MACROD2: variants seen among roughly 807,000 people sequenced by gnomAD.
MACROD2 encodes the protein mono-ADP ribosylhydrolase 2.
Under a neutral mutation model 70.4 loss-of-function variants are expected in MACROD2, and 36 were observed. The observed-to-expected ratio is 0.51, with a 90% CI of 0.39 to 0.68. The LOEUF (loss-of-function observed/expected upper bound fraction) is 0.68. Ranked by LOEUF, MACROD2 falls within the 30% of genes least tolerant of loss-of-function variation. The pLI is 0.00. For synonymous variants in MACROD2, 172 were observed against 178.8 expected (o/e 0.96, Z 0.30); for missense variants, 496 against 538.4 (o/e 0.92, Z 0.78).
chr20:14,320,624 A>T (rs1457696050), intron 3 of MACROD2, among the ~76,000 whole-genome samples: 1 of 150,636 alleles, frequency 6.6e-6, no homozygotes, highest in African/African-American at 2.4e-5. Context: ...AACACCTCCT[A>T]AATCAGTGGT....
intron 8 of MACROD2, among the ~76,000 whole-genome samples, chr20:15,588,217 T>A (rs954848352): frequency 6.6e-6 from 1 of 152,162 alleles, no homozygotes; most frequent in Middle Eastern, 3.2e-3. Context: ...CAGCCAGAGC[T>A]GTATATTGGC....
Position 15,409,385 on chromosome 20 carries a change from A to G in MACROD2, c.541-22020A>G, listed in dbSNP as rs369192539. Among the ~76,000 whole-genome samples, 90 of 152,360 alleles carry G rather than the reference A, an allele frequency of 5.9e-4. 3 individuals carry two copies. The South Asian group carries it at 0.018, about 31-fold the overall frequency. On this transcript the variant is annotated intron_variant, in intron 6 of 17. Coordinates refer to ENST00000684519, the MANE Select transcript of MACROD2 (RefSeq NM_001351661.2). ...ATTATGTGAAGTTCTAAGCATCACA[A>G]TGCTGCAGTGTATAATTCTTCAAAG...
chr20:15,181,769 T>C (rs942125881), intron 5 of MACROD2, among the ~76,000 whole-genome samples: 4 of 152,222 alleles, frequency 2.6e-5, no homozygotes, highest in African/African-American at 9.6e-5. Flanking sequence ...CCTTATATTT[T>C]TACACATCTC....
intron 5 of MACROD2, among the ~76,000 whole-genome samples, chr20:14,796,664 G>T (rs1367886347): frequency 6.6e-6 from 1 of 152,016 alleles, no homozygotes; most frequent in African/African-American, 2.4e-5. Context: ...TACTTGGAAT[G>T]CTGAATTTTA....
chr20:14,429,817 C>T (rs1023294106), intron 3 of MACROD2, among the ~76,000 whole-genome samples: 1 of 152,132 alleles, frequency 6.6e-6, no homozygotes, highest in African/African-American at 2.4e-5. Context: ...ATCAATGGCC[C>T]TGCCTCCCCA....
chr20:15,937,628 C>T (rs1034318783), intron 12 of MACROD2, 84 bp downstream of exon 12: 2 of 1,261,762 alleles, frequency 1.6e-6, no homozygotes, highest in Non-Finnish European at 2.3e-6. Context: ...AATGAAGCAG[C>T]AAGTCAAATA....
intron 7 of MACROD2, among the ~76,000 whole-genome samples, chr20:15,436,300 G>A (rs2046427200): frequency 1.3e-5 from 2 of 152,100 alleles, no homozygotes; most frequent in Non-Finnish European, 2.9e-5. Flanking sequence ...ATGGTGGAAG[G>A]CAAGGAAGAG....
At chr20:15,543,101 G>C (rs1318847197) in intron 8 of MACROD2, among the ~76,000 whole-genome samples, 2 of 152,086 alleles carry the variant, frequency 1.3e-5, no homozygotes, top group Non-Finnish European at 2.9e-5. Context: ...CTCTTTTCTG[G>C]AGCTTCCCGG....
At chr20:14,731,006 CACAT>C (rs1392449383) in intron 5 of MACROD2, among the ~76,000 whole-genome samples, 55 of 111,282 alleles carry the variant, frequency 4.9e-4, no homozygotes, top group African/African-American at 1.5e-3. Flanking sequence ...CACACACACA[CACAT>C]GCACACACAC....
At chr20:14,537,294 A>C (rs1300970790) in intron 4 of MACROD2, among the ~76,000 whole-genome samples, 1 of 152,198 alleles carries the variant, frequency 6.6e-6, no homozygotes, top group Non-Finnish European at 1.5e-5. Flanking sequence ...AATGAGGGAG[A>C]GTGAGGCAGC....
At chr20:14,448,585 G>A (rs562236219) in intron 3 of MACROD2, among the ~76,000 whole-genome samples, 1 of 151,818 alleles carries the variant, frequency 6.6e-6, no homozygotes, top group African/African-American at 2.4e-5. Context: ...GCTGATGCAG[G>A]AGAATGTCTT....
intron 3 of MACROD2, among the ~76,000 whole-genome samples, chr20:14,214,964 T>TTA (rs775088155): frequency 5.0e-4 from 75 of 149,068 alleles, no homozygotes; most frequent in East Asian, 2.7e-3. Flanking sequence ...TAGTGTTCCA[T>TTA]TATATATATA....
chr20:15,273,281 G>A (rs1408600692), intron 6 of MACROD2, among the ~76,000 whole-genome samples: 1 of 152,050 alleles, frequency 6.6e-6, no homozygotes, highest in Non-Finnish European at 1.5e-5. Context: ...TTCCTGTGCT[G>A]GATACTTCCT....
At chr20:15,595,396 G>A (rs1209344182) in intron 8 of MACROD2, among the ~76,000 whole-genome samples, 1 of 152,138 alleles carries the variant, frequency 6.6e-6, no homozygotes. Context: ...AATGTATGAT[G>A]AGCCTTAAGA....
At chr20:15,031,630 T>A (rs1228567761) in intron 5 of MACROD2, among the ~76,000 whole-genome samples, 3 of 152,160 alleles carry the variant, frequency 2.0e-5, no homozygotes, top group African/African-American at 7.2e-5. Flanking sequence ...GGAGGAGACC[T>A]GAAATGGATA....
chr20:16,015,919 T>A (rs896375464), intron 15 of MACROD2, among the ~76,000 whole-genome samples: 1 of 152,172 alleles, frequency 6.6e-6, no homozygotes, highest in African/African-American at 2.4e-5. Context: ...AGAGTATTTT[T>A]AAATATATTA....
chr20:15,079,983 C>T (rs1462773415), intron 5 of MACROD2, among the ~76,000 whole-genome samples: 1 of 152,080 alleles, frequency 6.6e-6, no homozygotes, highest in Non-Finnish European at 1.5e-5. Context: ...AATCTACCAA[C>T]CTGCCTGCTT....
chr20:14,349,814 CTTTTTTTTT>C (rs538685508), intron 3 of MACROD2, among the ~76,000 whole-genome samples: 1 of 132,242 alleles, frequency 7.6e-6, no homozygotes, highest in Non-Finnish European at 1.6e-5. Flanking sequence ...TTCTTTTTTT[CTTTTTTTTT>C]TTTTTTTGCC....
chr20:15,277,565 G>T (rs1216820757), intron 6 of MACROD2, among the ~76,000 whole-genome samples: 1 of 152,220 alleles, frequency 6.6e-6, no homozygotes, highest in African/African-American at 2.4e-5. Context: ...TTCTGGTTCA[G>T]AAGTTCTAGG....
Sources: allele counts gnomAD v4.1 joint callset (sites outside exome capture counted in the v4.1 genomes callset), GRCh38; gene constraint gnomAD v4.1.1; transcripts MANE v1.5; gene names NCBI Gene and HGNC (gene_info 2026-07-23, HGNC 2026-07-21).